Variants in SUZ12 observed in about 807,000 individuals in gnomAD.
SUZ12 encodes polycomb protein SUZ12.
SUZ12 carries 17 observed loss-of-function variants against 87.3 expected under a neutral mutation model. That is an observed-to-expected ratio of 0.19 (90% CI 0.13 to 0.29). The LOEUF (loss-of-function observed/expected upper bound fraction) is 0.29. Among genes scored for constraint, SUZ12 ranks in the 10% least tolerant of loss-of-function variants. The probability of loss-of-function intolerance (pLI) is 1.00; values close to 1 mark genes in which losing one functional copy is unlikely to be tolerated. For synonymous variants in SUZ12, 253 were observed against 312.4 expected (o/e 0.81, Z 2.01); for missense variants, 526 against 912.2 (o/e 0.58, Z 5.45).
In SUZ12 at chr17:31,937,224, G is replaced by C. The variant is rs1037187482; in HGVS notation, c.-23G>C. On this transcript the variant is annotated 5_prime_UTR_variant, in exon 1 of 16. Transcript: ENST00000322652. ...CGGGGCCGCCCGGCGGGTAGCTGGC[G>C]GGGGGAGGAGGCAGGAACCGCGATG... is the stretch of plus-strand genomic sequence containing the variant. 42 of 1,397,740 alleles carry C rather than the reference G, an allele frequency of 3.0e-5. No individual in the cohort carries two copies. Among genetic ancestry groups the C allele is most frequent in the Admixed American group, 7.9e-5 (2 of 25,380 alleles). 86.6% of individuals were successfully genotyped at this position (1,397,740 alleles called of 1,614,324 possible). A position where few individuals can be genotyped will look rare whatever the true frequency, so the allele number is the denominator to read the frequency against.
intron 10 of SUZ12, among the ~76,000 whole-genome samples, chr17:31,991,508 C>T (rs979884400): frequency 1.3e-4 from 19 of 151,118 alleles, no homozygotes; most frequent in African/African-American, 4.7e-4. Context: ...ACAAATTATA[C>T]CTAATTGTTA....
At position 31,990,121 on chromosome 17, in the gene SUZ12, ATTT is replaced by A. The variant is rs59793925; in HGVS notation, c.1201+1647_1201+1649del. Among the ~76,000 whole-genome samples, 415 of 99,822 alleles carry A rather than the reference ATTT, an allele frequency of 4.2e-3. 2 individuals carry two copies. Among genetic ancestry groups the A allele is most frequent in the African/African-American group, 0.017 (363 of 21,644 alleles). 65.5% of individuals were successfully genotyped at this position (99,822 alleles called of 152,430 possible). On this transcript the variant is annotated intron_variant, in intron 10 of 15. Coordinates refer to ENST00000322652, the MANE Select transcript of SUZ12 (RefSeq NM_015355.4). ...AGGCGCCGGCCACCATGCCCGGCTAATTTTTTTTTTTTTTTTTTTTTTTTTGGA... is the reference window on the plus strand; with the variant it reads ...AGGCGCCGGCCACCATGCCCGGCTAATTTTTTTTTTTTTTTTTTTTTTGGA...
chr17:31,938,085 G>C (rs1479389361), intron 1 of SUZ12, among the ~76,000 whole-genome samples: 1 of 152,002 alleles, frequency 6.6e-6, no homozygotes, highest in African/African-American at 2.4e-5. Flanking sequence ...GAGCCAGAGA[G>C]TGGTCAAGCA....
chr17:31,992,032 C>G (rs915291369), intron 10 of SUZ12, among the ~76,000 whole-genome samples: 1 of 152,048 alleles, frequency 6.6e-6, no homozygotes, highest in South Asian at 2.1e-4. Flanking sequence ...TGACTCATAT[C>G]TGTAATCCTA....
intron 4 of SUZ12, among the ~76,000 whole-genome samples, chr17:31,961,590 A>G (rs1055379066): frequency 4.6e-5 from 7 of 152,188 alleles, no homozygotes; most frequent in Non-Finnish European, 1.0e-4. Flanking sequence ...TATCCTATGT[A>G]AGGTATAATG....
chr17:31,981,976 G>C (rs1007003125), intron 8 of SUZ12, among the ~76,000 whole-genome samples: 2 of 152,198 alleles, frequency 1.3e-5, no homozygotes, highest in African/African-American at 4.8e-5. Flanking sequence ...GAGTGATGAA[G>C]AGAAGCCAGT....
At chr17:31,949,652 CA>C in intron 4 of SUZ12, among the ~76,000 whole-genome samples, 1 of 85,454 alleles carries the variant, frequency 1.2e-5, no homozygotes, top group African/African-American at 4.2e-5. Flanking sequence ...CACCTGCCAC[CA>C]CACCCAGCCC....
chr17:31,956,077 T>C (rs1050632312), intron 4 of SUZ12, among the ~76,000 whole-genome samples: 4 of 151,608 alleles, frequency 2.6e-5, no homozygotes, highest in African/African-American at 9.7e-5. Flanking sequence ...CACGCCCGGC[T>C]AATTTTTTGT....
chr17:31,967,901 T>A (rs1431155170), intron 5 of SUZ12, among the ~76,000 whole-genome samples: 2 of 152,130 alleles, frequency 1.3e-5, no homozygotes, highest in African/African-American at 4.8e-5. Flanking sequence ...GCGTGGTGGC[T>A]CACAGCTATA....
At position 31,937,034 on chromosome 17, in the gene SUZ12, C is replaced by T. The variant is rs190366663; in HGVS notation, c.-213C>T. The T allele has an allele frequency of 5.1e-3, 2,173 of 428,280 alleles. 8 individuals are homozygous for T. The highest frequency in any genetic ancestry group is 7.2e-3 in the Non-Finnish European group (1,798 of 250,274). The allele number at this position is 428,280 out of a possible 1,614,324, so 26.5% of individuals were successfully genotyped here. A position where few individuals can be genotyped will look rare whatever the true frequency, so the allele number is the denominator to read the frequency against. The stretch of plus-strand genomic sequence containing the variant: ...AGCGAGGCCAGGGTAGGGTGAGCGG[C>T]CTCCGAAGCGGAGCGGGGCTCTGAG... On this transcript the variant is annotated 5_prime_UTR_variant, in exon 1 of 16. Coordinates refer to ENST00000322652, the MANE Select transcript of SUZ12 (RefSeq NM_015355.4).
intron 11 of SUZ12, 101 bp from the exon 12 acceptor site, chr17:31,993,764 T>C (rs1247424251): frequency 1.6e-6 from 2 of 1,216,370 alleles, no homozygotes; most frequent in Non-Finnish European, 1.1e-6. Flanking sequence ...AATTTGATTT[T>C]CCGCTTAAAT....
At chr17:31,963,818 CG>C (rs147680988) in intron 4 of SUZ12, 10,497 of 151,256 alleles carry the variant, frequency 0.069, no homozygotes, top group African/African-American at 0.23. Context: ...CCACCGTGCC[CG>C]GCCATTCTTA....
chr17:31,954,251 C>A (rs746440423), intron 4 of SUZ12, among the ~76,000 whole-genome samples: 4 of 151,258 alleles, frequency 2.6e-5, no homozygotes, highest in Non-Finnish European at 5.9e-5. Context: ...TTGGTAGAGA[C>A]GGGGTTTCAC....
chr17:31,959,436 C>T (rs1907566336), intron 4 of SUZ12, among the ~76,000 whole-genome samples: 1 of 152,192 alleles, frequency 6.6e-6, no homozygotes, highest in South Asian at 2.1e-4. Context: ...TTTATCTTCT[C>T]ATTAGAAAGT....
chr17:31,995,521 T>C, intron 13 of SUZ12, 43 bp from the exon 14 acceptor site: 1 of 1,522,864 alleles, frequency 6.6e-7, no homozygotes, highest in Non-Finnish European at 9.1e-7. Flanking sequence ...TTAGATGGTA[T>C]ACATGTAGAG....
At chr17:31,987,071 T>C (rs1909460358) in intron 9 of SUZ12, among the ~76,000 whole-genome samples, 1 of 152,120 alleles carries the variant, frequency 6.6e-6, no homozygotes, top group African/African-American at 2.4e-5. Flanking sequence ...TTTTGTTTTT[T>C]TGTGATCCTT....
At chr17:31,953,151 G>T (rs1907087980) in intron 4 of SUZ12, among the ~76,000 whole-genome samples, 1 of 152,032 alleles carries the variant, frequency 6.6e-6, no homozygotes, top group Non-Finnish European at 1.5e-5. Context: ...TGTCACCCAG[G>T]CAGGAATATA....
chr17:31,986,179 T>G (rs1244635050), intron 9 of SUZ12, among the ~76,000 whole-genome samples: 1 of 152,048 alleles, frequency 6.6e-6, no homozygotes, highest in Non-Finnish European at 1.5e-5. Context: ...TGACCTAAGG[T>G]TTTCCACCCA....
At chr17:31,946,297 A>G (rs1253829796) in intron 3 of SUZ12, among the ~76,000 whole-genome samples, 1 of 152,048 alleles carries the variant, frequency 6.6e-6, no homozygotes, top group Non-Finnish European at 1.5e-5. Context: ...ACTTTGGGAG[A>G]CAGGGGTGGA....
Sources: allele counts gnomAD v4.1 joint callset (sites outside exome capture counted in the v4.1 genomes callset), GRCh38; gene constraint gnomAD v4.1.1; transcripts MANE v1.5; gene names NCBI Gene and HGNC (gene_info 2026-07-23, HGNC 2026-07-21).